TMEM266: variants seen among roughly 807,000 people sequenced by gnomAD.
TMEM266 encodes Hv1 related protein 1.
In TMEM266, 33 loss-of-function variants were observed where a neutral mutation model predicts 50.5. The observed-to-expected ratio is 0.65, with a 90% CI of 0.50 to 0.87. The LOEUF (loss-of-function observed/expected upper bound fraction) is 0.87. TMEM266 is among the 40% of genes least tolerant of loss of function. TMEM266 has a pLI of 0.00. For synonymous variants in TMEM266, 310 were observed against 292.3 expected (o/e 1.06, Z -0.62); for missense variants, 655 against 695.1 (o/e 0.94, Z 0.65).
At position 76,204,229 on chromosome 15, in the gene TMEM266, T is replaced by A. The variant is rs148206905; in HGVS notation, c.1510T>A (p.Phe504Ile). ...CTTTCAGATCAGGCCTGTCATCCAC[T>A]TCCAGCCCACTGTGCCCATGCTGGA... The change falls in exon 11 of 11, where the codon TTC (phenylalanine) becomes ATC (isoleucine). Residue 504 changes from phenylalanine (F) to isoleucine (I), a missense_variant. This residue lies in a region of TMEM266 where 455 missense variants were observed against 401.8 expected (regional missense o/e 1.13). Coordinates refer to ENST00000388942, the MANE Select transcript of TMEM266 (RefSeq NM_152335.3). 1.4e-5 allele frequency: 23 copies of A among 1,613,878 alleles called. No homozygotes were observed. The African/African-American group carries it at 1.9e-4, about 13-fold the overall frequency.
At chr15:76,194,940 C>T (rs796471651) in intron 9 of TMEM266, among the ~76,000 whole-genome samples, 2 of 152,280 alleles carry the variant, frequency 1.3e-5, no homozygotes, top group African/African-American at 4.8e-5. Context: ...AGGGGGCAGG[C>T]ACATAAGACC....
At chr15:76,176,818 G>A (rs2038290259) in intron 8 of TMEM266, among the ~76,000 whole-genome samples, 1 of 152,190 alleles carries the variant, frequency 6.6e-6, no homozygotes, top group African/African-American at 2.4e-5. Context: ...TGCCCAGGCA[G>A]TCTCCAAGGT....
chr15:76,060,184 G>T (rs76720715), intron 1 of TMEM266, among the ~76,000 whole-genome samples, 168 bp downstream of exon 1: 1 of 151,982 alleles, frequency 6.6e-6, no homozygotes, highest in Non-Finnish European at 1.5e-5. Flanking sequence ...GGAGCCAGGC[G>T]AGGGTGCGTG....
At chr15:76,141,777 C>T (rs1401214419) in intron 3 of TMEM266, among the ~76,000 whole-genome samples, 1 of 152,154 alleles carries the variant, frequency 6.6e-6, no homozygotes, top group Admixed American at 6.5e-5. Context: ...AACCACTATT[C>T]GACTTTCTGT....
Position 76,161,901 on chromosome 15 carries a change from A to C in TMEM266, c.456+1733A>C, listed in dbSNP as rs1394849309. Among the ~76,000 whole-genome samples the C allele has an allele frequency of 6.6e-6, 1 of 152,258 alleles. No individual in the cohort carries two copies. Among genetic ancestry groups the C allele is most frequent in the Non-Finnish European group, 1.5e-5 (1 of 68,046 alleles). ...TTGGAAAATGTGCCATGTGTCTGTGACTGCCAACAAAAATGTTTAATCAGT... is the reference window on the plus strand; with the variant it reads ...TTGGAAAATGTGCCATGTGTCTGTGCCTGCCAACAAAAATGTTTAATCAGT... On this transcript the variant is annotated intron_variant, in intron 5 of 10. Coordinates refer to ENST00000388942, the MANE Select transcript of TMEM266 (RefSeq NM_152335.3). This position sits in a 1 kb window ranked among gnomAD's most constrained non-coding sequence, Gnocchi z 4.1.
At chr15:76,189,362 G>GAGGGAGGA (rs1567181906) in intron 8 of TMEM266, among the ~76,000 whole-genome samples, 3 of 144,684 alleles carry the variant, frequency 2.1e-5, no homozygotes, top group Admixed American at 6.7e-5. Context: ...GGGAGGGAGG[G>GAGGGAGGA]AGGAAGGAAG....
chr15:76,167,420 A>G (rs2038114109), intron 5 of TMEM266, among the ~76,000 whole-genome samples: 1 of 150,848 alleles, frequency 6.6e-6, no homozygotes, highest in South Asian at 2.1e-4. Flanking sequence ...CAGTGAGCCA[A>G]GATCGTGCCA....
At chr15:76,169,935 T>C in intron 6 of TMEM266, 63 bp downstream of exon 6, 3 of 1,540,136 alleles carry the variant, frequency 1.9e-6, no homozygotes, top group Non-Finnish European at 2.7e-6. Flanking sequence ...GAAAACGTCA[T>C]GTCCCATCCA....
intron 7 of TMEM266, among the ~76,000 whole-genome samples, chr15:76,172,571 C>T (rs985893371): frequency 6.6e-6 from 1 of 152,186 alleles, no homozygotes; most frequent in Admixed American, 6.5e-5. Flanking sequence ...AAGATGCTGC[C>T]ATCTTGTCAG....
intron 3 of TMEM266, among the ~76,000 whole-genome samples, chr15:76,140,219 G>T (rs1158917412): frequency 1.3e-5 from 2 of 152,218 alleles, no homozygotes; most frequent in African/African-American, 2.4e-5. Flanking sequence ...CTCTCAGCTG[G>T]GGGCGCCGAT....
chr15:76,073,803 C>T (rs2036569787), intron 1 of TMEM266, among the ~76,000 whole-genome samples: 1 of 152,182 alleles, frequency 6.6e-6, no homozygotes, highest in African/African-American at 2.4e-5. Context: ...AGAGCTTATT[C>T]ATGTGTGGCA....
intron 2 of TMEM266, 121 bp from the exon 3 acceptor site, chr15:76,137,586 C>T (rs756914056): frequency 9.7e-7 from 1 of 1,034,092 alleles, no homozygotes; most frequent in Non-Finnish European, 1.5e-6. Context: ...AGAGGGGCAA[C>T]CTTAAGCTTC....
At chr15:76,191,922 G>T in intron 8 of TMEM266, 46 bp from the exon 9 acceptor site, 3 of 1,508,028 alleles carry the variant, frequency 2.0e-6, no homozygotes, top group Non-Finnish European at 2.6e-6. Flanking sequence ...GGAGGCCCCC[G>T]CCGGCCCCTC....
chr15:76,197,031 C>A (rs1478823395), intron 9 of TMEM266, among the ~76,000 whole-genome samples: 1 of 152,212 alleles, frequency 6.6e-6, no homozygotes, highest in South Asian at 2.1e-4. Context: ...ACCTTCGCGT[C>A]CCCCACGCTG....
intron 3 of TMEM266, among the ~76,000 whole-genome samples, chr15:76,148,015 TG>T (rs2037781558): frequency 6.6e-6 from 1 of 152,196 alleles, no homozygotes; most frequent in Admixed American, 6.5e-5. Flanking sequence ...CATTCACAGA[TG>T]TATTATTTCT....
rs2037635431 is a variant in TMEM266 at position 76,139,057 on chromosome 15, C to T, written c.227+1162C>T. Among the ~76,000 whole-genome samples the T allele has an allele frequency of 6.6e-6, 1 of 152,174 alleles. No homozygotes were observed. The highest frequency in any genetic ancestry group is 1.5e-5 in the Non-Finnish European group (1 of 68,042). On this transcript the variant is annotated intron_variant, in intron 3 of 10. Transcript: ENST00000388942. The surrounding 1 kb of genome is among the most constrained non-coding windows in gnomAD (Gnocchi z 4.1). ...CAGGACCTTAGGAGCCAGTTCTGGA[C>T]TTTTCTTTCCTGGGTGCCAGTAAAC...
intron 1 of TMEM266, among the ~76,000 whole-genome samples, chr15:76,131,990 A>G (rs1482359070): frequency 6.6e-6 from 1 of 152,188 alleles, no homozygotes; most frequent in African/African-American, 2.4e-5. Flanking sequence ...CGCTCCTTTA[A>G]GAACCTGGGT....
intron 9 of TMEM266, among the ~76,000 whole-genome samples, chr15:76,199,934 G>A (rs572522672): frequency 1.3e-4 from 20 of 152,312 alleles, no homozygotes; most frequent in East Asian, 1.9e-4. Context: ...CATGTAGACC[G>A]TGAGTAGAAA....
At chr15:76,095,251 T>C (rs979370789) in intron 1 of TMEM266, among the ~76,000 whole-genome samples, 1 of 152,088 alleles carries the variant, frequency 6.6e-6, no homozygotes, top group Non-Finnish European at 1.5e-5. Flanking sequence ...GCTGTGGGTT[T>C]GTCATAAATA....
Sources: allele counts gnomAD v4.1 joint callset (sites outside exome capture counted in the v4.1 genomes callset), GRCh38; gene constraint gnomAD v4.1.1; regional missense constraint gnomAD v4.1.1; non-coding constraint Gnocchi (gnomAD v3.1); transcripts MANE v1.5; gene names NCBI Gene and HGNC (gene_info 2026-07-23, HGNC 2026-07-21).